The following FAM50B variants were observed in gnomAD, a reference collection of about 807,000 sequenced individuals.
FAM50B encodes the protein family with sequence similarity 50 member B, also known as protein FAM50B.
FAM50B carries 9 observed loss-of-function variants against 25.4 expected under a neutral mutation model. That is an observed-to-expected ratio of 0.35 (90% CI 0.21 to 0.62). The LOEUF is 0.62. FAM50B is among the 20% of genes least tolerant of loss of function. The pLI is 0.73. For synonymous variants in FAM50B, 212 were observed against 204.3 expected, an observed-to-expected ratio of 1.04 and a Z score of -0.32; for missense variants, 372 against 477.9, an observed-to-expected ratio of 0.78 and a Z score of 2.07.
At chr6:3,839,623 A>T in the FAM50B span, among the ~76,000 whole-genome samples, 2 of 152,146 alleles carry the variant, frequency 1.3e-5, no homozygotes, top group African/African-American at 4.8e-5. Context: ...AAACATTGCT[A>T]TTTTTGCTAT....
In FAM50B at chr6:3,850,778, A is replaced by G. The variant is rs760695140; in HGVS notation, c.967A>G (p.Thr323Ala). The change falls in exon 2 of 2, where the codon ACC (threonine) becomes GCC (alanine). Residue 323 changes from threonine to alanine, a missense_variant. Physicochemically the swap from Thr to Ala is moderately conservative, Grantham distance 58. Transcript: ENST00000648326. ...YDPEKKWDKY[T>A]IR ...CCCCGAGAAGAAGTGGGACAAGTAC[A>G]CCATCCGCTAACACCCGCCTGCCAG... 6.2e-7 allele frequency: 1 copy of G among 1,612,032 alleles called. No homozygotes were observed. Among genetic ancestry groups the G allele is most frequent in the South Asian group, 1.1e-5 (1 of 91,016 alleles).
the FAM50B span, among the ~76,000 whole-genome samples, chr6:3,838,432 T>G: frequency 6.6e-6 from 1 of 152,048 alleles, no homozygotes; most frequent in African/African-American, 2.4e-5. Context: ...TGAACTGGCC[T>G]GGCATGGTGG....
the FAM50B span, among the ~76,000 whole-genome samples, chr6:3,839,538 G>A: frequency 5.3e-5 from 8 of 152,198 alleles, no homozygotes; most frequent in African/African-American, 1.7e-4. Context: ...TGGGATGGCA[G>A]AACCATTCTG....
chr6:3,839,674 T>C, the FAM50B span, among the ~76,000 whole-genome samples: 3 of 152,342 alleles, frequency 2.0e-5, no homozygotes, highest in South Asian at 6.2e-4. Flanking sequence ...AAGTATTTCA[T>C]GGCAAGACTT....
At chr6:3,834,373 A>G in the FAM50B span, among the ~76,000 whole-genome samples, 1 of 150,360 alleles carries the variant, frequency 6.7e-6, no homozygotes, top group African/African-American at 2.4e-5. Context: ...AAAAAAAAAA[A>G]AAAAGGAAGA....
the FAM50B span, among the ~76,000 whole-genome samples, chr6:3,833,095 G>T: frequency 6.6e-6 from 1 of 152,100 alleles, no homozygotes; most frequent in Non-Finnish European, 1.5e-5. Flanking sequence ...CCTGACCACA[G>T]GTGATTCACC....
the FAM50B span, among the ~76,000 whole-genome samples, chr6:3,836,964 G>A: frequency 0.27 from 40,583 of 152,012 alleles, 6,050 homozygotes; most frequent in Non-Finnish European, 0.33. Flanking sequence ...TACAGGCTTC[G>A]TGCAGGCTTT....
At chr6:3,834,460 G>C in the FAM50B span, among the ~76,000 whole-genome samples, 1 of 149,696 alleles carries the variant, frequency 6.7e-6, no homozygotes, top group Non-Finnish European at 1.5e-5. Flanking sequence ...TTATATGAAA[G>C]ATCAGTTGAT....
chr6:3,839,993 G>A, the FAM50B span, among the ~76,000 whole-genome samples: 1 of 151,702 alleles, frequency 6.6e-6, no homozygotes, highest in African/African-American at 2.4e-5. Context: ...GTTGTTGTTT[G>A]TTTGTTTGTT....
At chr6:3,833,470 A>G in the FAM50B span, 2 of 152,060 alleles carry the variant, frequency 1.3e-5, no homozygotes, top group Non-Finnish European at 2.9e-5. Context: ...CTCAGCTTCC[A>G]TTTTCCCTTC....
rs774598344 is a variant in FAM50B at position 3,850,637 on chromosome 6, C to G, written c.826C>G (p.Leu276Val). 4 of 1,614,028 alleles carry G rather than the reference C, an allele frequency of 2.5e-6. No individual in the cohort carries two copies. Among genetic ancestry groups the G allele is most frequent in the African/African-American group, 1.3e-5 (1 of 74,946 alleles). ...CTTCGATGTGCACGATGACGTGCGC[C>G]TGCTCAGCGACGCCACCATGGAGAA... ...FSFDVHDDVR[L>V]LSDATMEKDE... The change falls in exon 2 of 2, where the codon CTG becomes GTG. Residue 276 changes from leucine (L) to valine (V), a missense_variant. Leu to Val is a conservative substitution (Grantham distance 32, BLOSUM62 1). Coordinates refer to ENST00000648326, the MANE Select transcript of FAM50B (RefSeq NM_012135.3).
At chr6:3,847,185 A>T (rs564513264), upstream of FAM50B, among the ~76,000 whole-genome samples, 1 of 152,358 alleles carries the variant, frequency 6.6e-6, no homozygotes, top group East Asian at 1.9e-4. Flanking sequence ...CTAGCAAGAG[A>T]GTCAACCTGT....
the FAM50B span, among the ~76,000 whole-genome samples, chr6:3,835,526 G>C: frequency 1.5e-3 from 233 of 152,174 alleles, 1 homozygote; most frequent in African/African-American, 5.4e-3. Flanking sequence ...TGCTGAGTTG[G>C]CATCTCTCCA....
chr6:3,837,603 G>A, the FAM50B span, among the ~76,000 whole-genome samples: 1 of 150,990 alleles, frequency 6.6e-6, no homozygotes, highest in Admixed American at 6.6e-5. Context: ...ATTTTATGTT[G>A]CTATAATAAA....
At chr6:3,846,632 T>A (rs1311191047), upstream of FAM50B, among the ~76,000 whole-genome samples, 1 of 152,230 alleles carries the variant, frequency 6.6e-6, no homozygotes, top group Non-Finnish European at 1.5e-5. Flanking sequence ...GCTGTTTGAA[T>A]CAACTTCTTC....
At chr6:3,832,956 G>A in the FAM50B span, among the ~76,000 whole-genome samples, 1 of 152,024 alleles carries the variant, frequency 6.6e-6, no homozygotes, top group African/African-American at 2.4e-5. Flanking sequence ...CCACCTCCCA[G>A]GTTCAAGCGA....
upstream of FAM50B, among the ~76,000 whole-genome samples, chr6:3,848,547 G>A (rs374102456): frequency 6.6e-6 from 1 of 152,310 alleles, no homozygotes; most frequent in South Asian, 2.1e-4. Flanking sequence ...AGGCATTGTT[G>A]CTCTTAGGCG....
chr6:3,837,065 C>G, the FAM50B span, among the ~76,000 whole-genome samples: 5 of 152,232 alleles, frequency 3.3e-5, no homozygotes, highest in Non-Finnish European at 7.4e-5. Flanking sequence ...AACCTCACAT[C>G]CTATATAAAA....
chr6:3,838,816 G>C, the FAM50B span, among the ~76,000 whole-genome samples: 3 of 144,926 alleles, frequency 2.1e-5, no homozygotes, highest in African/African-American at 7.7e-5. Flanking sequence ...ACTCCAGCCT[G>C]GGTGACAGAG....
Sources: gnomAD v4.1 joint callset for allele counts (sites outside exome capture counted in the v4.1 genomes callset) on GRCh38, gnomAD v4.1.1 for gene constraint, MANE v1.5 for transcripts, NCBI Gene and HGNC (gene_info 2026-07-23, HGNC 2026-07-21) for gene names.